The following HS6ST1 variants were observed in gnomAD, a reference collection of about 807,000 sequenced individuals.
The protein encoded by HS6ST1 is heparan-sulfate 6-O-sulfotransferase 1.
HS6ST1 carries 3 observed loss-of-function variants against 25.2 expected under a neutral mutation model. The observed-to-expected ratio is 0.12, with a 90% CI of 0.05 to 0.31. The LOEUF is 0.31. Ranked by LOEUF, HS6ST1 falls within the 10% of genes least tolerant of loss-of-function variation. The pLI is 1.00. For missense variants in HS6ST1, 310 were observed against 609.6 expected, an observed-to-expected ratio of 0.51 and a Z score of 5.18; for synonymous variants, 204 against 275.1, an observed-to-expected ratio of 0.74 and a Z score of 2.56.
At chr2:128,312,988 G>A (rs1323886828) in intron 1 of HS6ST1, among the ~76,000 whole-genome samples, 2 of 152,112 alleles carry the variant, frequency 1.3e-5, no homozygotes, top group African/African-American at 4.8e-5. Context: ...GCTTGAAACT[G>A]GTAGGCAGAG....
chr2:128,310,421 G>A (rs1013937313), intron 1 of HS6ST1, among the ~76,000 whole-genome samples: 1 of 152,236 alleles, frequency 6.6e-6, no homozygotes, highest in Admixed American at 6.5e-5. Flanking sequence ...CCTAGAGGGA[G>A]TTCAGGGCAG....
Position 128,273,650 on chromosome 2 carries a change from G to A in HS6ST1, c.528-4780C>T, listed in dbSNP as rs575360995. Among the ~76,000 whole-genome samples, 29 of 152,334 alleles carry A rather than the reference G, an allele frequency of 1.9e-4. 1 individual carries two copies. The highest frequency in any genetic ancestry group is 5.2e-4 in the Admixed American group (8 of 15,300). On this transcript the variant is annotated intron_variant, in intron 1 of 1. Transcript: ENST00000259241. ...TGCAGGCACTGCTGGCCACAGGCACGTCCTGGCCATCCTCTGGTCTGGTGC... is the reference window on the plus strand; with the variant it reads ...TGCAGGCACTGCTGGCCACAGGCACATCCTGGCCATCCTCTGGTCTGGTGC...
intron 1 of HS6ST1, among the ~76,000 whole-genome samples, chr2:128,312,058 C>T (rs1694299946): frequency 6.6e-6 from 1 of 152,238 alleles, no homozygotes; most frequent in Non-Finnish European, 1.5e-5. Context: ...AGGTGTCTTC[C>T]AGTAAACGCA....
intron 1 of HS6ST1, among the ~76,000 whole-genome samples, chr2:128,306,123 T>C (rs994492353): frequency 1.2e-4 from 18 of 152,136 alleles, no homozygotes; most frequent in African/African-American, 3.9e-4. Flanking sequence ...CCCCTGACAG[T>C]GAGGCCTGAA....
chr2:128,268,733 G>C lies in HS6ST1; in HGVS notation c.665C>G (p.Pro222Arg). The change falls in exon 2 of 2, where the codon CCG (proline) becomes CGG (arginine). Residue 222 changes from proline (P) to arginine (R), a missense_variant. Physicochemically the swap from Pro to Arg is moderately radical, Grantham distance 103. Around this residue, in one of 5 missense-constraint regions of HS6ST1, gnomAD observed 98 missense variants for 270.3 expected, o/e 0.36. Transcript: ENST00000259241. ...DGRTPTPEEL[P>R]PCYEGTDWSG... ...CCAGTCCGTGCCCTCGTAGCAGGGC[G>C]GCAGCTCCTCAGGCGTGGGCGTGCG... 3 of 1,612,610 alleles carry C rather than the reference G, an allele frequency of 1.9e-6. No homozygotes were observed. In the South Asian group the frequency reaches 3.3e-5, roughly 18 times the overall value.
chr2:128,286,246 C>T (rs1693857854), intron 1 of HS6ST1, among the ~76,000 whole-genome samples: 1 of 152,238 alleles, frequency 6.6e-6, no homozygotes, highest in Non-Finnish European at 1.5e-5. Context: ...TCTGCCATTC[C>T]TATTCCTCCC....
chr2:128,310,914 T>A (rs1694280676), intron 1 of HS6ST1, among the ~76,000 whole-genome samples: 1 of 152,110 alleles, frequency 6.6e-6, no homozygotes, highest in South Asian at 2.1e-4. Flanking sequence ...TGCCGTCCCA[T>A]CTCCACTGCC....
At chr2:128,300,625 G>C (rs776468431) in intron 1 of HS6ST1, among the ~76,000 whole-genome samples, 1 of 152,140 alleles carries the variant, frequency 6.6e-6, no homozygotes, top group Non-Finnish European at 1.5e-5. Flanking sequence ...TAATCTCTTC[G>C]GGGGAGGCTG....
intron 1 of HS6ST1, among the ~76,000 whole-genome samples, chr2:128,289,216 G>C (rs976739525): frequency 2.0e-5 from 3 of 151,322 alleles, no homozygotes; most frequent in African/African-American, 7.4e-5. Context: ...GACAGCTCCG[G>C]GTGATGCACT....
intron 1 of HS6ST1, among the ~76,000 whole-genome samples, chr2:128,292,096 G>T (rs899034453): frequency 3.9e-5 from 6 of 152,232 alleles, no homozygotes; most frequent in African/African-American, 1.4e-4. Context: ...CAGGGCAACA[G>T]TGAGGAGGGT....
intron 1 of HS6ST1, among the ~76,000 whole-genome samples, chr2:128,271,047 T>A (rs1167866267): frequency 6.6e-6 from 1 of 152,070 alleles, no homozygotes; most frequent in African/African-American, 2.4e-5. Context: ...AAGGCATGCC[T>A]CCATCATGAG....
At chr2:128,311,495 G>A (rs770870411) in intron 1 of HS6ST1, among the ~76,000 whole-genome samples, 17 of 152,132 alleles carry the variant, frequency 1.1e-4, no homozygotes, top group Non-Finnish European at 2.5e-4. Context: ...TGCTCTTCCC[G>A]CCTCAAACCC....
intron 1 of HS6ST1, among the ~76,000 whole-genome samples, chr2:128,286,607 C>T (rs1693865905): frequency 6.6e-6 from 1 of 152,192 alleles, no homozygotes; most frequent in South Asian, 2.1e-4. Context: ...GTTTCAAGGA[C>T]AGGACACTGC....
At chr2:128,276,491 C>G (rs1693697050) in intron 1 of HS6ST1, among the ~76,000 whole-genome samples, 1 of 152,074 alleles carries the variant, frequency 6.6e-6, no homozygotes, top group Admixed American at 6.6e-5. Context: ...AGAGGCTAGC[C>G]CTGGGGTGTG....
chr2:128,280,262 C>T (rs1472531622), intron 1 of HS6ST1, among the ~76,000 whole-genome samples: 10 of 152,354 alleles, frequency 6.6e-5, no homozygotes, highest in East Asian at 5.8e-4. Context: ...CCACTTGGGG[C>T]GGGTGGCTGC....
At chr2:128,301,686 G>A (rs140635176) in intron 1 of HS6ST1, among the ~76,000 whole-genome samples, 1 of 152,332 alleles carries the variant, frequency 6.6e-6, no homozygotes, top group African/African-American at 2.4e-5. Context: ...GTGGGAGAGC[G>A]TGCGTGCTTT....
chr2:128,292,228 G>C (rs926096018), intron 1 of HS6ST1, among the ~76,000 whole-genome samples: 1 of 152,214 alleles, frequency 6.6e-6, no homozygotes, highest in Non-Finnish European at 1.5e-5. Context: ...GGGATCCCCA[G>C]AGGGTCCATG....
intron 1 of HS6ST1, among the ~76,000 whole-genome samples, chr2:128,315,125 T>C (rs1022643892): frequency 6.6e-6 from 1 of 152,238 alleles, no homozygotes; most frequent in Non-Finnish European, 1.5e-5. Flanking sequence ...ACAAGCACCC[T>C]GGCTGATGTC....
rs1339043136 is a variant in HS6ST1, at chr2:128,271,042, A to AT, written c.528-2173dup. 1.3e-5 allele frequency among the ~76,000 whole-genome samples: 2 copies of AT among 152,214 alleles called. 1 individual carries two copies. Among genetic ancestry groups the AT allele is most frequent in the Non-Finnish European group, 2.9e-5 (2 of 68,034 alleles). ...GGGACCATCCCCTGAAGCCCAAGGC[A>AT]TGCCTCCATCATGAGCTCCTCTGCC... On this transcript the variant is annotated intron_variant, in intron 1 of 1. Coordinates refer to ENST00000259241, the MANE Select transcript of HS6ST1 (RefSeq NM_004807.3).
Sources: gnomAD v4.1 joint callset for allele counts (sites outside exome capture counted in the v4.1 genomes callset) on GRCh38, gnomAD v4.1.1 for gene constraint, gnomAD v4.1.1 regional missense constraint, MANE v1.5 for transcripts, NCBI Gene and HGNC (gene_info 2026-07-23, HGNC 2026-07-21) for gene names.